Variants in SUN3 observed in about 807,000 individuals in gnomAD.
SUN3 encodes the protein SUN domain-containing protein 3.
In SUN3, 36 loss-of-function variants were observed where a neutral mutation model predicts 48.2. That is an observed-to-expected ratio of 0.75 (90% CI 0.57 to 0.99). The LOEUF (loss-of-function observed/expected upper bound fraction) is 0.99, where lower values mean the gene tolerates loss of function less well. Among genes scored for constraint, SUN3 ranks in the 50% least tolerant of loss-of-function variants. The pLI is 0.00. For missense variants in SUN3, 419 were observed against 433.1 expected (o/e 0.97, Z 0.29); for synonymous variants, 148 against 147.9 (o/e 1.00, Z 0.00).
In SUN3 at chr7:47,996,098, T is replaced by C; in HGVS notation, c.626A>G (p.Lys209Arg). The change falls in exon 7 of 10, where the codon AAA becomes AGA. Residue 209 changes from lysine to arginine, a missense_variant. Physicochemically the swap from Lys to Arg is conservative, Grantham distance 26. Transcript: ENST00000297325. Reference protein sequence around the residue: ...AGTSESYKNNKAKLYWHGIGF... With the variant: ...AGTSESYKNNRAKLYWHGIGF... Reference sequence around the variant, plus strand: ...TATCCCATGCCAGTACAATTTTGCTTTATTATTTTTATAACTTTCTGAGGT... The same window carrying C: ...TATCCCATGCCAGTACAATTTTGCTCTATTATTTTTATAACTTTCTGAGGT... 6.3e-7 allele frequency: 1 copy of C among 1,596,326 alleles called. No individual in the cohort carries two copies. Among genetic ancestry groups the C allele is most frequent in the Non-Finnish European group, 8.5e-7 (1 of 1,174,354 alleles).
chr7:48,013,992 G>A (rs1483971500), intron 3 of SUN3, among the ~76,000 whole-genome samples: 1 of 152,132 alleles, frequency 6.6e-6, no homozygotes, highest in Non-Finnish European at 1.5e-5. Flanking sequence ...TTGAGACAGA[G>A]TCTTGCTTTA....
intron 7 of SUN3, among the ~76,000 whole-genome samples, chr7:47,994,862 G>A (rs1374997300): frequency 2.0e-5 from 3 of 152,232 alleles, no homozygotes; most frequent in East Asian, 3.9e-4. Context: ...GGTGGTGGTG[G>A]TAGTGGTGAT....
At chr7:48,016,959 G>A (rs1376828927) in intron 3 of SUN3, among the ~76,000 whole-genome samples, 1 of 152,092 alleles carries the variant, frequency 6.6e-6, no homozygotes, top group African/African-American at 2.4e-5. Flanking sequence ...CTTTTATTAG[G>A]AGCCCACTCT....
upstream of SUN3, among the ~76,000 whole-genome samples, chr7:48,030,740 C>T (rs910278793): frequency 3.3e-5 from 5 of 152,050 alleles, no homozygotes; most frequent in Middle Eastern, 3.2e-3. Flanking sequence ...AGTTATTATC[C>T]ATATGTGTGA....
chr7:47,994,666 T>C (rs1350955092), intron 7 of SUN3, among the ~76,000 whole-genome samples, 184 bp from the exon 8 acceptor site: 1 of 152,260 alleles, frequency 6.6e-6, no homozygotes, highest in African/African-American at 2.4e-5. Context: ...CAGAGCCCTT[T>C]ATCATATGAG....
chr7:48,007,436 T>C (rs571495876), intron 4 of SUN3, 109 bp from the exon 5 acceptor site: 15 of 983,082 alleles, frequency 1.5e-5, no homozygotes, highest in Admixed American at 1.0e-4. Flanking sequence ...TTGTTGAAGA[T>C]ATACATTCTT....
intron 6 of SUN3, among the ~76,000 whole-genome samples, chr7:47,996,937 G>A (rs1014599290): frequency 2.4e-4 from 37 of 151,942 alleles, no homozygotes; most frequent in East Asian, 1.9e-3. Context: ...AAGTAGCTGG[G>A]ACTACAGGCG....
intron 8 of SUN3, chr7:47,991,182 G>A: frequency 2.7e-6 from 1 of 369,044 alleles, no homozygotes; most frequent in Non-Finnish European, 5.2e-6. Flanking sequence ...CTTTTAAGGA[G>A]CTGGGATCAC....
At chr7:48,003,539 G>A (rs1201404218) in intron 6 of SUN3, among the ~76,000 whole-genome samples, 1 of 152,226 alleles carries the variant, frequency 6.6e-6, no homozygotes, top group African/African-American at 2.4e-5. Context: ...CTATCCATGA[G>A]CATGAGATGT....
rs113507920 is a variant in SUN3 at position 47,999,670 on chromosome 7, A to AG, written c.578-3525dup. On this transcript the variant is annotated intron_variant, in intron 6 of 9. Transcript: ENST00000297325. ...CTCCTGCCTCAGCCTCCTGAGTAGCAGGATTACAGGCGTGCGCCACCGCGC... is the reference window on the plus strand; with the variant it reads ...CTCCTGCCTCAGCCTCCTGAGTAGCAGGGATTACAGGCGTGCGCCACCGCGC... 3.0e-3 allele frequency among the ~76,000 whole-genome samples: 456 copies of AG among 152,122 alleles called. 6 individuals carry two copies. Among genetic ancestry groups the AG allele is most frequent in the African/African-American group, 0.01 (425 of 41,504 alleles).
intron 1 of SUN3, among the ~76,000 whole-genome samples, chr7:48,028,036 G>A (rs192431905): frequency 7.2e-5 from 11 of 152,088 alleles, no homozygotes; most frequent in Admixed American, 3.3e-4. Context: ...AAATTCCTTC[G>A]GTGCCTTCAC....
At chr7:48,015,733 CA>C (rs1226618372) in intron 3 of SUN3, among the ~76,000 whole-genome samples, 1 of 152,050 alleles carries the variant, frequency 6.6e-6, no homozygotes, top group Non-Finnish European at 1.5e-5. Flanking sequence ...ACCACCTTTG[CA>C]AAAATGAAAA....
chr7:48,034,038 AG>A (rs1790287555), upstream of SUN3, among the ~76,000 whole-genome samples: 1 of 152,362 alleles, frequency 6.6e-6, no homozygotes, highest in African/African-American at 2.4e-5. Flanking sequence ...TGGGCGACAG[AG>A]CAAGAGCAAG....
At chr7:48,012,582 C>G (rs887913361) in intron 3 of SUN3, among the ~76,000 whole-genome samples, 2 of 152,114 alleles carry the variant, frequency 1.3e-5, no homozygotes, top group African/African-American at 4.8e-5. Flanking sequence ...CAAGGTGAAT[C>G]CTACAAACTA....
At chr7:47,991,730 G>T (rs529160152) in intron 8 of SUN3, among the ~76,000 whole-genome samples, 1 of 152,282 alleles carries the variant, frequency 6.6e-6, no homozygotes, top group South Asian at 2.1e-4. Context: ...AGCAGCGCAG[G>T]ACTTAAGCGG....
intron 6 of SUN3, among the ~76,000 whole-genome samples, chr7:48,004,221 G>A (rs1306430447): frequency 1.3e-5 from 2 of 152,148 alleles, no homozygotes; most frequent in African/African-American, 4.8e-5. Context: ...CTTTTCCCTT[G>A]GGAGTTGGTC....
At chr7:48,032,500 A>G (rs542659223), upstream of SUN3, among the ~76,000 whole-genome samples, 1 of 152,396 alleles carries the variant, frequency 6.6e-6, no homozygotes, top group Non-Finnish European at 1.5e-5. Context: ...AGAGCACTGC[A>G]GAGTCAAAGA....
At chr7:48,035,699 A>T in the SUN3 span, 1 of 595,738 alleles carries the variant, frequency 1.7e-6, no homozygotes, top group Non-Finnish European at 3.0e-6. This position sits in a 1 kb window ranked among gnomAD's most constrained non-coding sequence, Gnocchi z 4.0. Context: ...CACTGTGCGG[A>T]GCTCGCAGTG....
chr7:48,000,092 A>G (rs1297878561), intron 6 of SUN3: 2 of 152,130 alleles, frequency 1.3e-5, no homozygotes, highest in Non-Finnish European at 2.9e-5. Flanking sequence ...TTCAACAGCC[A>G]TACATATTTT....
Sources: allele counts gnomAD v4.1 joint callset (sites outside exome capture counted in the v4.1 genomes callset), GRCh38; gene constraint gnomAD v4.1.1; non-coding constraint Gnocchi (gnomAD v3.1); transcripts MANE v1.5; gene names NCBI Gene and HGNC (gene_info 2026-07-23, HGNC 2026-07-21).